EBF2: variants seen among roughly 807,000 people sequenced by gnomAD.
EBF2 encodes EBF transcription factor 2.
EBF2 carries 21 observed loss-of-function variants against 72.8 expected under a neutral mutation model. The observed-to-expected ratio is 0.29, with a 90% CI of 0.20 to 0.42. The LOEUF is 0.42. Among genes scored for constraint, EBF2 ranks in the 10% least tolerant of loss-of-function variants. The pLI is 1.00. For synonymous variants in EBF2, 299 were observed against 274.2 expected, an observed-to-expected ratio of 1.09 and a Z score of -0.89; for missense variants, 637 against 731.2, an observed-to-expected ratio of 0.87 and a Z score of 1.49.
intron 5 of EBF2, 23 bp from the exon 6 acceptor site, chr8:26,033,176 G>A: frequency 6.2e-7 from 1 of 1,611,562 alleles, no homozygotes; most frequent in Non-Finnish European, 8.5e-7. Context: ...AAGGAACCAA[G>A]AGTGAAAGAA....
intron 7 of EBF2, among the ~76,000 whole-genome samples, chr8:25,893,581 G>A (rs1259740648): frequency 6.6e-6 from 1 of 152,042 alleles, no homozygotes; most frequent in Non-Finnish European, 1.5e-5. Flanking sequence ...CCCAGCCATG[G>A]GCATTAATTC....
intron 7 of EBF2, among the ~76,000 whole-genome samples, chr8:25,907,262 A>G (rs1393223177): frequency 6.6e-6 from 1 of 151,512 alleles, no homozygotes; most frequent in Non-Finnish European, 1.5e-5. Flanking sequence ...CTACCAAAAA[A>G]TACAAAAATT....
chr8:25,967,068 T>C (rs541506812), intron 6 of EBF2, among the ~76,000 whole-genome samples: 1 of 152,316 alleles, frequency 6.6e-6, no homozygotes, highest in African/African-American at 2.4e-5. Flanking sequence ...AAATTCATCA[T>C]CAGAGATGAT....
At chr8:26,041,293 C>T in intron 2 of EBF2, 1 of 480,480 alleles carries the variant, frequency 2.1e-6, no homozygotes, top group South Asian at 2.4e-5. Context: ...CTTGCCAAAG[C>T]TGCCTTTAAA....
intron 7 of EBF2, among the ~76,000 whole-genome samples, chr8:25,893,748 A>G (rs1802821920): frequency 6.6e-6 from 1 of 152,176 alleles, no homozygotes. Context: ...GCCACAAAAT[A>G]TGGGGCTTTC....
intron 6 of EBF2, among the ~76,000 whole-genome samples, chr8:25,995,379 T>G (rs1430986390): frequency 1.3e-5 from 2 of 152,136 alleles, no homozygotes; most frequent in African/African-American, 4.8e-5. Flanking sequence ...CAAACATATT[T>G]ATACAAAAAT....
intron 6 of EBF2, among the ~76,000 whole-genome samples, chr8:25,999,439 A>G (rs544601774): frequency 6.6e-6 from 1 of 151,846 alleles, no homozygotes; most frequent in African/African-American, 2.4e-5. Context: ...TCTCATGAAA[A>G]CTCTCATCTG....
Position 25,901,660 on chromosome 8 carries a change from C to G in EBF2, c.633+6814G>C, listed in dbSNP as rs76427734. ...CAAGTAGATCTGCTGACATTTGTGTCCTATAATAGGTGATGCTGTGGAAAG... is the reference window on the plus strand; with the variant it reads ...CAAGTAGATCTGCTGACATTTGTGTGCTATAATAGGTGATGCTGTGGAAAG... On this transcript the variant is annotated intron_variant, in intron 7 of 15. Coordinates refer to ENST00000520164, the MANE Select transcript of EBF2 (RefSeq NM_022659.4). Among the ~76,000 whole-genome samples the G allele has an allele frequency of 4.2e-3, 633 of 152,262 alleles. 4 individuals carry two copies. The highest frequency in any genetic ancestry group is 0.014 in the African/African-American group (599 of 41,548).
chr8:25,891,165 G>A (rs954820839), intron 7 of EBF2, among the ~76,000 whole-genome samples: 3 of 152,172 alleles, frequency 2.0e-5, no homozygotes, highest in African/African-American at 7.2e-5. Context: ...GTAGCACAAA[G>A]ACTGGTATCA....
rs1804164817 is a variant in EBF2, at chr8:25,969,825, C to G, written c.552-61270G>C. ...GCTCAAGCAACCCTCCCACTTCAGC[C>G]TCCTGAGTAACTGAGACTACAGGCA... is the stretch of plus-strand genomic sequence containing the variant. On this transcript the variant is annotated intron_variant, in intron 6 of 15. Transcript: ENST00000520164. 1.3e-5 allele frequency among the ~76,000 whole-genome samples: 2 copies of G among 152,186 alleles called. 1 individual carries two copies.
chr8:25,970,873 C>T (rs1804179103), intron 6 of EBF2, among the ~76,000 whole-genome samples: 1 of 152,168 alleles, frequency 6.6e-6, no homozygotes, highest in South Asian at 2.1e-4. Context: ...TGCTCTGTCA[C>T]CCAGGCTGGA....
chr8:25,995,173 G>A (rs902174285), intron 6 of EBF2, among the ~76,000 whole-genome samples: 3 of 152,112 alleles, frequency 2.0e-5, no homozygotes, highest in Non-Finnish European at 4.4e-5. Flanking sequence ...AGGCGTGGTG[G>A]TGCATGCCTG....
At chr8:25,863,777 A>C (rs1395129870) in intron 10 of EBF2, among the ~76,000 whole-genome samples, 1 of 152,148 alleles carries the variant, frequency 6.6e-6, no homozygotes. Context: ...AGAAGTAAAA[A>C]ATTACCATAA....
At chr8:25,987,511 T>C (rs913869458) in intron 6 of EBF2, among the ~76,000 whole-genome samples, 1 of 152,230 alleles carries the variant, frequency 6.6e-6, no homozygotes, top group African/African-American at 2.4e-5. Context: ...ACCTTTTATG[T>C]GCTCGACACT....
At chr8:25,995,312 A>C (rs955738734) in intron 6 of EBF2, among the ~76,000 whole-genome samples, 14 of 152,352 alleles carry the variant, frequency 9.2e-5, no homozygotes, top group African/African-American at 3.1e-4. Context: ...GCCTCAAAAA[A>C]TAGAAATAAA....
At chr8:26,014,949 C>T (rs1410635986) in intron 6 of EBF2, among the ~76,000 whole-genome samples, 1 of 152,092 alleles carries the variant, frequency 6.6e-6, no homozygotes, top group Non-Finnish European at 1.5e-5. Flanking sequence ...CTGTAATAAC[C>T]CTACCTAATT....
chr8:25,977,198 G>C lies in EBF2; in HGVS notation c.551+55887C>G, dbSNP rs1028164585. On this transcript the variant is annotated intron_variant, in intron 6 of 15. Transcript: ENST00000520164. ...GCTCTGTGCAAGGGAGAAGTGGCTC[G>C]GGGTACAGTGAAGGGCAGGGCGGGG... Among the ~76,000 whole-genome samples, 10 of 152,114 alleles carry C rather than the reference G, an allele frequency of 6.6e-5. No homozygotes were observed. In the East Asian group the frequency reaches 1.2e-3, roughly 18 times the overall value.
intron 10 of EBF2, among the ~76,000 whole-genome samples, chr8:25,880,882 T>C (rs537145072): frequency 6.6e-6 from 1 of 152,298 alleles, no homozygotes; most frequent in East Asian, 1.9e-4. Flanking sequence ...CTTAGCACGT[T>C]ATATCTTAAA....
At chr8:25,850,547 C>A in intron 15 of EBF2, 47 bp downstream of exon 15, 1 of 1,473,378 alleles carries the variant, frequency 6.8e-7, no homozygotes, top group South Asian at 1.5e-5. Context: ...CTTACTTTGC[C>A]AACCCTATGG....
Sources: gnomAD v4.1 joint callset for allele counts (sites outside exome capture counted in the v4.1 genomes callset) on GRCh38, gnomAD v4.1.1 for gene constraint, MANE v1.5 for transcripts, NCBI Gene and HGNC (gene_info 2026-07-23, HGNC 2026-07-21) for gene names.